TENM2: variants seen among roughly 807,000 people sequenced by gnomAD.
TENM2 encodes teneurin transmembrane protein 2.
A neutral mutation model predicts 245.2 loss-of-function variants in TENM2; 52 were observed. The ratio of observed to expected loss-of-function variants is 0.21; its 90% CI spans 0.17 to 0.27. The LOEUF is 0.27. TENM2 is among the 10% of genes least tolerant of loss of function. TENM2 has a pLI of 1.00. For missense variants in TENM2, 3,046 were observed against 3,666.8 expected (o/e 0.83, Z 4.37); for synonymous variants, 1,363 against 1,438.9 (o/e 0.95, Z 1.19).
At chr5:167,554,822 G>C (rs1773158053) in intron 2 of TENM2, among the ~76,000 whole-genome samples, 1 of 152,094 alleles carries the variant, frequency 6.6e-6, no homozygotes, top group Non-Finnish European at 1.5e-5. Context: ...AGAAACTCAA[G>C]AGCAGCTGTT....
At chr5:167,099,911 T>C in the TENM2 span, among the ~76,000 whole-genome samples, 1 of 152,274 alleles carries the variant, frequency 6.6e-6, no homozygotes, top group South Asian at 2.1e-4. Context: ...AAATGAGCAA[T>C]GTGGACCAGC....
the TENM2 span, among the ~76,000 whole-genome samples, chr5:167,067,951 A>G: frequency 1.1e-4 from 17 of 152,356 alleles, no homozygotes; most frequent in African/African-American, 3.8e-4. Flanking sequence ...AGCAAATAAA[A>G]TGTGACATCT....
At chr5:167,638,737 C>T (rs1779373141) in intron 2 of TENM2, among the ~76,000 whole-genome samples, 1 of 152,172 alleles carries the variant, frequency 6.6e-6, no homozygotes, top group Admixed American at 6.5e-5. Context: ...ATACATATTA[C>T]ACACAACTTC....
At chr5:167,093,601 A>G in the TENM2 span, among the ~76,000 whole-genome samples, 2 of 152,268 alleles carry the variant, frequency 1.3e-5, no homozygotes, top group South Asian at 4.1e-4. Context: ...ATCTACACCA[A>G]TTTTGAACTC....
intron 2 of TENM2, among the ~76,000 whole-genome samples, chr5:167,482,334 C>T (rs919801130): frequency 3.3e-5 from 5 of 152,046 alleles, no homozygotes; most frequent in African/African-American, 7.2e-5. Context: ...TCTTTGCAAA[C>T]GTGATTTGTA....
Position 168,247,802 on chromosome 5 carries a change from G to A in TENM2, c.6863G>A (p.Arg2288Lys), listed in dbSNP as rs767249159. ...TACAATTCCAAGGGCCTCCTAACAA[G>A]AGCCTACAACAAGGCCAGCGGGTGG... Residue 2288 changes from arginine to lysine, a missense_variant, in exon 27 of 29, where the codon AGA becomes AAA. Coordinates refer to ENST00000518659, the Ensembl canonical transcript of TENM2. The surrounding 1 kb of genome is among the most constrained non-coding windows in gnomAD (Gnocchi z 7.8). 7 of 1,613,824 alleles carry A rather than the reference G, an allele frequency of 4.3e-6. No individual in the cohort carries two copies. In the East Asian group the frequency reaches 6.7e-5, roughly 15 times the overall value.
At chr5:167,991,671 C>G (rs867019725) in intron 4 of TENM2, among the ~76,000 whole-genome samples, 2 of 152,228 alleles carry the variant, frequency 1.3e-5, no homozygotes, top group South Asian at 4.1e-4. Context: ...CACACCACAG[C>G]TCTGGCTAAC....
chr5:167,910,173 C>T (rs1464543062), intron 3 of TENM2, among the ~76,000 whole-genome samples: 4 of 152,186 alleles, frequency 2.6e-5, no homozygotes, highest in African/African-American at 9.7e-5. Flanking sequence ...GTGCTACACA[C>T]TTCTCATTCT....
chr5:167,987,521 G>A (rs2151990411), intron 4 of TENM2, among the ~76,000 whole-genome samples: 1 of 151,932 alleles, frequency 6.6e-6, no homozygotes, highest in East Asian at 1.9e-4. Context: ...ATAGAGATGG[G>A]GTTTGGCCAG....
intron 2 of TENM2, among the ~76,000 whole-genome samples, chr5:167,663,239 C>T (rs190489073): frequency 1.3e-5 from 2 of 149,962 alleles, no homozygotes; most frequent in Admixed American, 1.3e-4. Context: ...AAATTAAAAT[C>T]TGGGTAAGGA....
the TENM2 span, among the ~76,000 whole-genome samples, chr5:167,107,248 G>A: frequency 6.6e-6 from 1 of 151,404 alleles, no homozygotes; most frequent in Non-Finnish European, 1.5e-5. Context: ...GGCAACAAGA[G>A]CGAAACTTCG....
At chr5:167,051,977 C>G in the TENM2 span, among the ~76,000 whole-genome samples, 1 of 151,814 alleles carries the variant, frequency 6.6e-6, no homozygotes, top group Admixed American at 6.6e-5. Flanking sequence ...TTTTTCTTTG[C>G]GCTTTTGAAT....
At chr5:168,188,520 G>A (rs1760674231) in intron 13 of TENM2, among the ~76,000 whole-genome samples, 1 of 152,200 alleles carries the variant, frequency 6.6e-6, no homozygotes, top group African/African-American at 2.4e-5. Flanking sequence ...TGAGGAATGG[G>A]AAACAGTCAT....
At chr5:167,242,368 G>C in the TENM2 span, among the ~76,000 whole-genome samples, 1 of 147,734 alleles carries the variant, frequency 6.8e-6, no homozygotes, top group East Asian at 2.0e-4. Context: ...TTTTCTAATT[G>C]ATGTACCCCT....
intron 1 of TENM2, among the ~76,000 whole-genome samples, chr5:167,293,656 A>G (rs1754785859): frequency 6.6e-6 from 1 of 152,160 alleles, no homozygotes; most frequent in South Asian, 2.1e-4. Context: ...AAGAGCCAGG[A>G]AAGGTCAACG....
At chr5:167,936,985 T>C (rs1164539453) in intron 3 of TENM2, among the ~76,000 whole-genome samples, 1 of 152,248 alleles carries the variant, frequency 6.6e-6, no homozygotes, top group African/African-American at 2.4e-5. Context: ...TCCTTTTCTT[T>C]AATTAACTTC....
intron 2 of TENM2, among the ~76,000 whole-genome samples, chr5:167,809,881 C>G (rs1766503872): frequency 6.6e-6 from 1 of 152,034 alleles, no homozygotes; most frequent in Non-Finnish European, 1.5e-5. Flanking sequence ...ATAGGCTCTT[C>G]AAATCCAAAT....
intron 4 of TENM2, among the ~76,000 whole-genome samples, chr5:167,972,689 C>A (rs1781880158): frequency 6.6e-6 from 1 of 152,130 alleles, no homozygotes; most frequent in South Asian, 2.1e-4. Context: ...TCTCTCTTTA[C>A]TTCTCCTTAT....
chr5:167,136,763 A>C, the TENM2 span, among the ~76,000 whole-genome samples: 4 of 152,176 alleles, frequency 2.6e-5, no homozygotes, highest in Non-Finnish European at 5.9e-5. Flanking sequence ...CCCTAATCTC[A>C]TAATGGACAT....
Sources: gnomAD v4.1 joint callset for allele counts (sites outside exome capture counted in the v4.1 genomes callset) on GRCh38, gnomAD v4.1.1 for gene constraint, Gnocchi (gnomAD v3.1) non-coding constraint, MANE v1.5 for transcripts, NCBI Gene and HGNC (gene_info 2026-07-23, HGNC 2026-07-21) for gene names.